KIRREL3: variants seen among roughly 807,000 people sequenced by gnomAD.
KIRREL3 encodes the protein kirre like nephrin family adhesion molecule 3.
A neutral mutation model predicts 89.7 loss-of-function variants in KIRREL3; 36 were observed. The ratio of observed to expected loss-of-function variants is 0.40; its 90% CI spans 0.31 to 0.53. KIRREL3 has a LOEUF of 0.53. Ranked by LOEUF, KIRREL3 falls within the 20% of genes least tolerant of loss-of-function variation. The pLI is 0.49. For synonymous variants in KIRREL3, 445 were observed against 441.4 expected (o/e 1.01, Z -0.10); for missense variants, 864 against 1,056.6 (o/e 0.82, Z 2.53).
At chr11:126,785,519 C>T (rs952679207) in intron 1 of KIRREL3, among the ~76,000 whole-genome samples, 2 of 152,100 alleles carry the variant, frequency 1.3e-5, no homozygotes, top group African/African-American at 2.4e-5. Context: ...CAGGTGTTAC[C>T]GTCTGATGCA....
At position 126,817,556 on chromosome 11, in the gene KIRREL3, G is replaced by A. The variant is rs138845322; in HGVS notation, c.55+182899C>T. 7.2e-4 allele frequency among the ~76,000 whole-genome samples: 109 copies of A among 152,254 alleles called. No individual in the cohort carries two copies. The highest frequency in any genetic ancestry group is 2.3e-3 in the African/African-American group (94 of 41,554). ...TGTCCTATGGTTGGAACCCCTGCTC[G>A]GTACTCCCTGTCCCATGCCCAGAAG... On this transcript the variant is annotated intron_variant, in intron 1 of 16. Transcript: ENST00000525144. The surrounding 1 kb of genome is among the most constrained non-coding windows in gnomAD (Gnocchi z 5.7).
At chr11:126,506,115 A>G (rs1016550392) in intron 4 of KIRREL3, among the ~76,000 whole-genome samples, 1 of 152,238 alleles carries the variant, frequency 6.6e-6, no homozygotes, top group African/African-American at 2.4e-5. Context: ...AAAACTTAAA[A>G]TGCACCAAGA....
rs1958794657 is a variant in KIRREL3 at position 126,527,335 on chromosome 11, C to G, written c.134-648G>C. ...AGACCTTACTCCAGCCTCACAATCA[C>G]TTGGGAAAAAATCATTATGGACACC... is the stretch of plus-strand genomic sequence containing the variant. On this transcript the variant is annotated intron_variant, in intron 2 of 16. Coordinates refer to ENST00000525144, the MANE Select transcript of KIRREL3 (RefSeq NM_032531.4). The surrounding 1 kb of genome is among the most constrained non-coding windows in gnomAD (Gnocchi z 4.2). Among the ~76,000 whole-genome samples the G allele has an allele frequency of 6.6e-6, 1 of 152,062 alleles. No individual in the cohort carries two copies. Among genetic ancestry groups the G allele is most frequent in the Non-Finnish European group, 1.5e-5 (1 of 68,030 alleles).
intron 4 of KIRREL3, among the ~76,000 whole-genome samples, chr11:126,487,755 TG>T (rs1957404413): frequency 6.6e-6 from 1 of 152,254 alleles, no homozygotes; most frequent in Non-Finnish European, 1.5e-5. Flanking sequence ...TGCCCCATTC[TG>T]GGGAGGGAGG....
chr11:126,547,643 A>T (rs1262228391), intron 2 of KIRREL3, among the ~76,000 whole-genome samples: 3 of 152,280 alleles, frequency 2.0e-5, no homozygotes, highest in African/African-American at 7.2e-5. Context: ...AATATTAGGC[A>T]CAGTCAGCCC....
In KIRREL3 at chr11:126,648,591, T is replaced by G. The variant is rs141323762; in HGVS notation, c.56-85679A>C. On this transcript the variant is annotated intron_variant, in intron 1 of 16. Transcript: ENST00000525144. ...CTTTATTTGTTCATTTCATGTCTCC[T>G]CCACTAGAATGTCAGCCCCATGAAG... Among the ~76,000 whole-genome samples the G allele has an allele frequency of 3.3e-3, 500 of 152,352 alleles. 16 individuals are homozygous for G. Among genetic ancestry groups the G allele is most frequent in the Non-Finnish European group, 8.1e-4 (55 of 68,032 alleles).
chr11:126,924,661 G>C lies in KIRREL3; in HGVS notation c.55+75794C>G, dbSNP rs1008101493. ...TGGAAGAAGTGTTAAAGAAAAAGGA[G>C]CAGCTTTGCTCTATTAAAACCCCTG... On this transcript the variant is annotated intron_variant, in intron 1 of 16. Transcript: ENST00000525144. The surrounding 1 kb of genome is among the most constrained non-coding windows in gnomAD (Gnocchi z 4.7). Among the ~76,000 whole-genome samples the C allele has an allele frequency of 8.5e-5, 13 of 152,162 alleles. No individual in the cohort carries two copies. The highest frequency in any genetic ancestry group is 3.1e-4 in the African/African-American group (13 of 41,444).
intron 1 of KIRREL3, among the ~76,000 whole-genome samples, chr11:126,968,265 A>T (rs1279806653): frequency 1.3e-5 from 2 of 152,204 alleles, no homozygotes; most frequent in Non-Finnish European, 2.9e-5. Flanking sequence ...TCCAAATTAC[A>T]TGCCACAGCT....
chr11:126,849,663 T>C (rs543607057), intron 1 of KIRREL3, among the ~76,000 whole-genome samples: 21 of 152,182 alleles, frequency 1.4e-4, no homozygotes, highest in African/African-American at 4.8e-4. Context: ...GTCACAGACA[T>C]TTGACTAAAG....
chr11:126,461,519 AG>A lies in KIRREL3; in HGVS notation c.742+1637del, dbSNP rs531421327. On this transcript the variant is annotated intron_variant, in intron 6 of 16. Coordinates refer to ENST00000525144, the MANE Select transcript of KIRREL3 (RefSeq NM_032531.4). The stretch of plus-strand genomic sequence containing the variant: ...GGTACAGGGGTATGTCGGGGGTTGT[AG>A]GGGGGACAGAGATGTTTGTTAATAG... 3.8e-3 allele frequency among the ~76,000 whole-genome samples: 573 copies of A among 152,250 alleles called. 4 individuals carry two copies. The highest frequency in any genetic ancestry group is 0.01 in the Middle Eastern group (3 of 294).
rs1331063215 is a variant in KIRREL3 at position 126,428,144 on chromosome 11, C to G, written c.1806+1035G>C. Among the ~76,000 whole-genome samples, 1 of 152,184 alleles carries G rather than the reference C, an allele frequency of 6.6e-6. No homozygotes were observed. The highest frequency in any genetic ancestry group is 1.5e-5 in the Non-Finnish European group (1 of 68,028). ...CTTATTGTGTTCCATGGGCTTCAAG[C>G]CCTTCTGAGTTTTGTCCACTTCACC... On this transcript the variant is annotated intron_variant, in intron 15 of 16. Coordinates refer to ENST00000525144, the MANE Select transcript of KIRREL3 (RefSeq NM_032531.4). This position sits in a 1 kb window ranked among gnomAD's most constrained non-coding sequence, Gnocchi z 6.4.
chr11:126,688,216 C>T (rs1591962746), intron 1 of KIRREL3, among the ~76,000 whole-genome samples: 1 of 152,224 alleles, frequency 6.6e-6, no homozygotes, highest in Non-Finnish European at 1.5e-5. Context: ...CCAGCTCTGG[C>T]CACAGTCAGG....
At chr11:126,451,109 G>A (rs1394619028) in intron 7 of KIRREL3, among the ~76,000 whole-genome samples, 2 of 98,658 alleles carry the variant, frequency 2.0e-5, no homozygotes, top group Admixed American at 2.1e-4. Context: ...ATGTGCATGT[G>A]TGCATGTGTG....
intron 1 of KIRREL3, among the ~76,000 whole-genome samples, chr11:126,911,989 A>C: frequency 6.6e-6 from 1 of 150,726 alleles, no homozygotes; most frequent in Admixed American, 6.6e-5. Context: ...TCTCAAAAAA[A>C]AAAAAAAAAA....
intron 1 of KIRREL3, among the ~76,000 whole-genome samples, chr11:126,793,644 G>A (rs1445235934): frequency 6.6e-6 from 1 of 152,228 alleles, no homozygotes; most frequent in Non-Finnish European, 1.5e-5. Context: ...AGAGGGAGCA[G>A]TTGAAGGAAG....
chr11:126,467,305 A>G (rs1206009695), intron 5 of KIRREL3, among the ~76,000 whole-genome samples: 1 of 152,082 alleles, frequency 6.6e-6, no homozygotes, highest in Non-Finnish European at 1.5e-5. Flanking sequence ...GTTCCCCAGC[A>G]CCGGCCTGGG....
Position 126,594,365 on chromosome 11 carries a change from C to T in KIRREL3, c.56-31453G>A, listed in dbSNP as rs1942290452. On this transcript the variant is annotated intron_variant, in intron 1 of 16. Transcript: ENST00000525144. The surrounding 1 kb of genome is among the most constrained non-coding windows in gnomAD (Gnocchi z 5.0). ...GATGAATTCCATCTCCCTCACTGGA[C>T]CAGAAGCTCCTCGAGGAAACTCTGC... Among the ~76,000 whole-genome samples, 1 of 152,136 alleles carries T rather than the reference C, an allele frequency of 6.6e-6. No individual in the cohort carries two copies. The highest frequency in any genetic ancestry group is 2.1e-4 in the South Asian group (1 of 4,830).
chr11:126,789,797 G>T (rs1009621233), intron 1 of KIRREL3, among the ~76,000 whole-genome samples: 1 of 152,154 alleles, frequency 6.6e-6, no homozygotes, highest in Non-Finnish European at 1.5e-5. Flanking sequence ...CAGTCTTCCT[G>T]TTAGCTTCTT....
chr11:126,625,296 T>G (rs111791751), intron 1 of KIRREL3, among the ~76,000 whole-genome samples: 3,408 of 152,224 alleles, frequency 0.022, 129 homozygotes, highest in African/African-American at 0.076. Context: ...TGGTCTATTC[T>G]CAGTTACCTT....
Sources: allele counts gnomAD v4.1 joint callset (sites outside exome capture counted in the v4.1 genomes callset), GRCh38; gene constraint gnomAD v4.1.1; non-coding constraint Gnocchi (gnomAD v3.1); transcripts MANE v1.5; gene names NCBI Gene and HGNC (gene_info 2026-07-23, HGNC 2026-07-21).